TP53BP1: variants seen among roughly 807,000 people sequenced by gnomAD.
TP53BP1 encodes tumor protein p53 binding protein 1.
A neutral mutation model predicts 200.8 loss-of-function variants in TP53BP1; 61 were observed. The ratio of observed to expected loss-of-function variants is 0.30; its 90% CI spans 0.25 to 0.38. TP53BP1 has a LOEUF of 0.38. Among genes scored for constraint, TP53BP1 ranks in the 10% least tolerant of loss-of-function variants. The probability of loss-of-function intolerance (pLI) is 1.00; values close to 1 mark genes in which losing one functional copy is unlikely to be tolerated. For missense variants in TP53BP1, 2,144 were observed against 2,371.9 expected (o/e 0.90, Z 2.00); for synonymous variants, 822 against 844.3 (o/e 0.97, Z 0.46).
intron 12 of TP53BP1, among the ~76,000 whole-genome samples, chr15:43,452,305 C>G (rs1379448010): frequency 6.6e-6 from 1 of 152,092 alleles, no homozygotes; most frequent in African/African-American, 2.4e-5. Context: ...GTGGCTCATA[C>G]CTGTAATCCT....
chr15:43,406,361 G>C lies in TP53BP1; in HGVS notation c.*1022C>G, dbSNP rs2044878460. 3.2e-6 allele frequency: 1 copy of C among 314,386 alleles called. No individual in the cohort carries two copies. The highest frequency in any genetic ancestry group is 6.3e-6 in the Non-Finnish European group (1 of 158,676). 19.5% of individuals were successfully genotyped at this position (314,386 alleles called of 1,614,324 possible). ...TATTCTACACACACTGGGAAGCTCTGACAACTTATTCCCTGCTATTATCAA... is the reference window on the plus strand; with the variant it reads ...TATTCTACACACACTGGGAAGCTCTCACAACTTATTCCCTGCTATTATCAA... On this transcript the variant is annotated 3_prime_UTR_variant, in exon 28 of 28. Transcript: ENST00000382044.
Position 43,453,433 on chromosome 15 carries a change from T to C in TP53BP1, c.2716+2459A>G, listed in dbSNP as rs185093832. Among the ~76,000 whole-genome samples the C allele has an allele frequency of 6.1e-3, 930 of 152,222 alleles. 3 individuals carry two copies. Among genetic ancestry groups the C allele is most frequent in the Non-Finnish European group, 9.7e-3 (657 of 68,020 alleles). On this transcript the variant is annotated intron_variant, in intron 12 of 27. Coordinates refer to ENST00000382044, the MANE Select transcript of TP53BP1 (RefSeq NM_001141980.3). ...AAAGCACAGCTGGGATCAGGAGACC[T>C]AGGTTCTAGTCTCACCTCTATCATT... is the stretch of plus-strand genomic sequence containing the variant.
Position 43,413,304 on chromosome 15 carries a change from G to C in TP53BP1, c.5120C>G (p.Pro1707Arg). 1 of 1,614,080 alleles carries C rather than the reference G, an allele frequency of 6.2e-7. No individual in the cohort carries two copies. Among genetic ancestry groups the C allele is most frequent in the Non-Finnish European group, 8.5e-7 (1 of 1,180,006 alleles). ...GAVGAGEFVS[P>R]CESGDNTGEP... ...ACCGGTGTTGTCTCCACTCTCACAG[G>C]GGCTCACAAACTCTCCTGCCCCTAC... Residue 1707 changes from proline (P) to arginine (R), a missense_variant, in exon 24 of 28, where the codon CCC becomes CGC. Physicochemically the swap from Pro to Arg is moderately radical, Grantham distance 103 (BLOSUM62 -2). This residue lies in a region of TP53BP1 where 334 missense variants were observed against 453.4 expected (regional missense o/e 0.74). Transcript: ENST00000382044.
intron 13 of TP53BP1, 75 bp from the exon 14 acceptor site, chr15:43,446,665 A>G (rs949882427): frequency 9.5e-6 from 15 of 1,571,856 alleles, no homozygotes; most frequent in Non-Finnish European, 1.3e-5. Flanking sequence ...ATTCAAGGTC[A>G]TCAATTTGCC....
upstream of TP53BP1, among the ~76,000 whole-genome samples, chr15:43,496,994 G>A (rs1031815416): frequency 2.0e-5 from 3 of 152,132 alleles, no homozygotes; most frequent in East Asian, 1.9e-4. Flanking sequence ...ACTTCTCTAC[G>A]TTTGCAGTCT....
In TP53BP1 at chr15:43,507,493, A is replaced by G. The variant is rs556326705; in HGVS notation, c.-9+2877T>C. 2.0e-5 allele frequency among the ~76,000 whole-genome samples: 3 copies of G among 152,298 alleles called. No individual in the cohort carries two copies. The South Asian group carries it at 6.2e-4, about 32-fold the overall frequency. ...GGACAACTCGTAGTCAAGACCCTCC[A>G]CTGGTAACACCCTTGGAAGGGCCTT... On this transcript the variant is annotated intron_variant, in intron 1 of 27. Coordinates refer to the TP53BP1 transcript ENST00000263801.
In TP53BP1 at chr15:43,408,140, C is replaced by T. The variant is rs185498005; in HGVS notation, c.5601-52G>A. 1.1e-4 allele frequency: 169 copies of T among 1,569,898 alleles called. No individual in the cohort carries two copies. The African/African-American group carries it at 2.0e-3, about 19-fold the overall frequency. On this transcript the variant is annotated intron_variant, in intron 26 of 27. Coordinates refer to ENST00000382044, the MANE Select transcript of TP53BP1 (RefSeq NM_001141980.3). Reference sequence around the variant, plus strand: ...AGCATGACAAGTAATATCCAACAAACTGCCTTTCTGCAAAGGGACTCATGT... The same window carrying T: ...AGCATGACAAGTAATATCCAACAAATTGCCTTTCTGCAAAGGGACTCATGT...
At position 43,479,982 on chromosome 15, in the gene TP53BP1, C is replaced by T. The variant is rs747372898; in HGVS notation, c.535G>A (p.Glu179Lys). The change falls in exon 6 of 28, where the codon GAA becomes AAA. Residue 179 changes from glutamate to lysine, a missense_variant. Glu to Lys is a moderately conservative substitution (Grantham distance 56, BLOSUM62 1). Transcript: ENST00000382044. ...TCAACATCCTGGCTCTGGGAGAGTT[C>T]CAGAACCCCAAAACCCAACTGTGAT... is the stretch of plus-strand genomic sequence containing the variant. ...ASSQLGFGVLELSQSQDVEEN... is the reference protein window; with the variant it reads ...ASSQLGFGVLKLSQSQDVEEN... 1.7e-5 allele frequency: 28 copies of T among 1,613,954 alleles called. No individual in the cohort carries two copies. Among genetic ancestry groups the T allele is most frequent in the Non-Finnish European group, 2.3e-5 (27 of 1,180,040 alleles).
intron 14 of TP53BP1, among the ~76,000 whole-genome samples, chr15:43,445,900 A>C (rs573045785): frequency 1.3e-5 from 2 of 152,314 alleles, no homozygotes; most frequent in African/African-American, 4.8e-5. Context: ...TGAAAGACTC[A>C]GCTGATGCTT....
At chr15:43,441,275 AAGG>A (rs1203150498) in intron 15 of TP53BP1, 8 of 353,636 alleles carry the variant, frequency 2.3e-5, no homozygotes, top group Non-Finnish European at 3.1e-5. Context: ...AAAGGGGGGA[AAGG>A]AACTCTCACA....
chr15:43,479,200 A>G (rs1336614546), intron 7 of TP53BP1, among the ~76,000 whole-genome samples, 197 bp downstream of exon 7: 1 of 152,196 alleles, frequency 6.6e-6, no homozygotes, highest in Non-Finnish European at 1.5e-5. Flanking sequence ...TCAAACAGAC[A>G]GACAGACAGA....
At chr15:43,480,747 T>A in intron 5 of TP53BP1, 148 bp downstream of exon 5, 1 of 948,822 alleles carries the variant, frequency 1.1e-6, no homozygotes, top group Non-Finnish European at 1.6e-6. Flanking sequence ...AGGTGGAACA[T>A]TTTAAATTAC....
intron 24 of TP53BP1, among the ~76,000 whole-genome samples, chr15:43,410,489 T>A (rs758835474): frequency 2.0e-5 from 3 of 152,228 alleles, no homozygotes; most frequent in South Asian, 2.1e-4. Context: ...ATTGCTTCTT[T>A]TGACCAAATA....
intron 23 of TP53BP1, 38 bp from the exon 24 acceptor site, chr15:43,413,372 C>A (rs746486415): frequency 6.4e-7 from 1 of 1,566,514 alleles, no homozygotes; most frequent in Non-Finnish European, 8.7e-7. Flanking sequence ...GAGGGATACA[C>A]ACCATTGCCT....
In TP53BP1 at chr15:43,492,104, T is replaced by C. The variant is rs183781311; in HGVS notation, c.193-9A>G. 76 of 1,603,978 alleles carry C rather than the reference T, an allele frequency of 4.7e-5. No individual in the cohort carries two copies. The highest frequency in any genetic ancestry group is 3.3e-4 in the Middle Eastern group (2 of 6,028). ...GGATTGGACACAACATCCTAGAAAA[T>C]ACACATACAAAATATCCCCATTATA... is the stretch of plus-strand genomic sequence containing the variant. On this transcript the variant is annotated splice_polypyrimidine_tract_variant and intron_variant, in intron 2 of 27. Coordinates refer to ENST00000382044, the MANE Select transcript of TP53BP1 (RefSeq NM_001141980.3).
intron 11 of TP53BP1, among the ~76,000 whole-genome samples, chr15:43,462,980 T>C (rs2046476891): frequency 6.6e-6 from 1 of 151,918 alleles, no homozygotes; most frequent in African/African-American, 2.4e-5. Flanking sequence ...TCACTTGAAC[T>C]CAGGAGGAGG....
intron 12 of TP53BP1, among the ~76,000 whole-genome samples, chr15:43,449,384 T>A (rs1011598852): frequency 3.3e-5 from 5 of 152,248 alleles, no homozygotes; most frequent in Non-Finnish European, 7.3e-5. Context: ...ATGAAATCTT[T>A]AAGCAGACCT....
intron 24 of TP53BP1, 41 bp from the exon 25 acceptor site, chr15:43,409,782 G>GT (rs761020021): frequency 3.2e-5 from 34 of 1,072,564 alleles, no homozygotes; most frequent in Non-Finnish European, 4.1e-5. Flanking sequence ...TTACTGAGTG[G>GT]TTTTCTTATT....
At chr15:43,490,468 C>G (rs928860762) in intron 4 of TP53BP1, among the ~76,000 whole-genome samples, 3 of 151,960 alleles carry the variant, frequency 2.0e-5, no homozygotes, top group African/African-American at 7.3e-5. Flanking sequence ...AAGTGATCCT[C>G]TTGTCTGAGC....
Sources: allele counts gnomAD v4.1 joint callset (sites outside exome capture counted in the v4.1 genomes callset), GRCh38; gene constraint gnomAD v4.1.1; regional missense constraint gnomAD v4.1.1; transcripts MANE v1.5; gene names NCBI Gene and HGNC (gene_info 2026-07-23, HGNC 2026-07-21).